The following CSMD3 variants were observed in gnomAD, a reference collection of about 807,000 sequenced individuals.
CSMD3 encodes the protein CUB and Sushi multiple domains 3, also known as CUB and sushi domain-containing protein 3.
CSMD3 carries 177 observed loss-of-function variants against 435.2 expected under a neutral mutation model. The observed-to-expected ratio is 0.41, with a 90% confidence interval of 0.36 to 0.46. The LOEUF is 0.46. Among genes scored for constraint, CSMD3 ranks in the 20% least tolerant of loss-of-function variants. The pLI, the probability that CSMD3 is intolerant of heterozygous loss-of-function variation, is 0.34. For synonymous variants in CSMD3, 1,656 were observed against 1,520.5 expected (o/e 1.09, Z -2.07); for missense variants, 4,265 against 4,504.6 (o/e 0.95, Z 1.52).
At chr8:112,852,871 G>A (rs763249262) in intron 11 of CSMD3, among the ~76,000 whole-genome samples, 33 of 152,142 alleles carry the variant, frequency 2.2e-4, no homozygotes, top group Middle Eastern at 3.4e-3. Flanking sequence ...GTAGTAAGCC[G>A]AGATCGTGCC....
rs1825632514 is a variant in CSMD3 at position 112,345,971 on chromosome 8, G to A, written c.6442+126C>T. ...ATTTCACTCTTCAATTTACATAGTT[G>A]TATGTATTCCTAAACTAAACTGCAA... On this transcript the variant is annotated intron_variant, in intron 41 of 70. Transcript: ENST00000297405. The A allele has an allele frequency of 1.4e-5, 10 of 734,212 alleles. No individual in the cohort carries two copies. In the South Asian group the frequency reaches 1.5e-4, roughly 11 times the overall value. The allele number at this position is 734,212 out of a possible 1,614,324, so 45.5% of individuals were successfully genotyped here. A position where few individuals can be genotyped will look rare whatever the true frequency, so the allele number is the denominator to read the frequency against.
chr8:113,013,766 A>G (rs1969112), intron 6 of CSMD3, among the ~76,000 whole-genome samples: 91,792 of 151,894 alleles, frequency 0.6, 29,350 homozygotes, highest in East Asian at 0.95. Flanking sequence ...TTGTTTATGT[A>G]GTGGATTGAT....
intron 16 of CSMD3, among the ~76,000 whole-genome samples, chr8:112,675,392 A>G (rs986953956): frequency 2.0e-5 from 3 of 152,134 alleles, no homozygotes; most frequent in African/African-American, 4.8e-5. Flanking sequence ...AGACCCATGA[A>G]TGTATTACAT....
chr8:112,504,020 G>A, intron 29 of CSMD3, 43 bp from the exon 30 acceptor site: 1 of 1,270,448 alleles, frequency 7.9e-7, no homozygotes, highest in African/African-American at 1.5e-5. Flanking sequence ...AAGAGAAGTA[G>A]GATAATTATT....
chr8:112,688,243 T>C (rs1175645577), intron 14 of CSMD3, among the ~76,000 whole-genome samples: 1 of 152,184 alleles, frequency 6.6e-6, no homozygotes, highest in Non-Finnish European at 1.5e-5. Flanking sequence ...AAAGACACAC[T>C]TTAATGGCCC....
intron 30 of CSMD3, among the ~76,000 whole-genome samples, chr8:112,494,540 T>G (rs1404419963): frequency 6.9e-6 from 1 of 144,882 alleles, no homozygotes; most frequent in East Asian, 2.0e-4. Flanking sequence ...TCTTTCTTTC[T>G]TTCTTTCTTT....
At chr8:112,959,932 T>A (rs1458435979) in intron 7 of CSMD3, among the ~76,000 whole-genome samples, 1 of 151,850 alleles carries the variant, frequency 6.6e-6, no homozygotes, top group African/African-American at 2.4e-5. Flanking sequence ...ATGTTCTGAG[T>A]CTATAAGACA....
chr8:112,883,975 T>C (rs1364879914), intron 10 of CSMD3, among the ~76,000 whole-genome samples: 2 of 151,900 alleles, frequency 1.3e-5, no homozygotes, highest in Non-Finnish European at 2.9e-5. Flanking sequence ...TCTAAGGTAA[T>C]AGTATGCCAC....
chr8:112,534,637 T>A (rs1825877233), intron 27 of CSMD3, among the ~76,000 whole-genome samples: 1 of 151,982 alleles, frequency 6.6e-6, no homozygotes, highest in Admixed American at 6.6e-5. Context: ...CTGAAACTAT[T>A]CCAATCAATA....
chr8:113,179,910 G>C (rs1267797840), intron 3 of CSMD3, among the ~76,000 whole-genome samples: 1 of 151,778 alleles, frequency 6.6e-6, no homozygotes, highest in East Asian at 1.9e-4. Context: ...CACATGTATA[G>C]TTGCGAAAGG....
chr8:113,191,187 T>C (rs762373779), intron 3 of CSMD3, among the ~76,000 whole-genome samples: 7 of 151,854 alleles, frequency 4.6e-5, no homozygotes, highest in Non-Finnish European at 1.0e-4. Context: ...CACGTGGGCA[T>C]ACATGTTCAT....
chr8:113,280,475 C>T (rs561296469), intron 2 of CSMD3, among the ~76,000 whole-genome samples: 10 of 151,786 alleles, frequency 6.6e-5, no homozygotes, highest in East Asian at 1.9e-4. Flanking sequence ...TAGCCTTGAA[C>T]GATCTTTTGC....
chr8:112,392,844 A>C (rs1830541226), intron 35 of CSMD3, among the ~76,000 whole-genome samples: 1 of 150,142 alleles, frequency 6.7e-6, no homozygotes, highest in South Asian at 2.1e-4. Flanking sequence ...TTCACAGCTC[A>C]CAGATAGTTT....
chr8:112,885,908 G>C (rs2081576062), intron 10 of CSMD3, among the ~76,000 whole-genome samples: 3 of 151,492 alleles, frequency 2.0e-5, no homozygotes, highest in Non-Finnish European at 4.4e-5. Flanking sequence ...AGTTACCCCA[G>C]GAAATAAAGG....
chr8:112,492,372 G>C (rs1390772652), intron 31 of CSMD3, 117 bp downstream of exon 31: 2 of 813,846 alleles, frequency 2.5e-6, no homozygotes, highest in East Asian at 5.2e-5. Context: ...TGCATTGCTA[G>C]TACGACACTT....
At chr8:113,356,515 C>A (rs1384109499) in intron 1 of CSMD3, among the ~76,000 whole-genome samples, 1 of 152,108 alleles carries the variant, frequency 6.6e-6, no homozygotes, top group Non-Finnish European at 1.5e-5. Context: ...CATTTTCACA[C>A]TCCTTTTCCA....
At chr8:112,823,550 C>T (rs925470890) in intron 12 of CSMD3, among the ~76,000 whole-genome samples, 2 of 152,088 alleles carry the variant, frequency 1.3e-5, no homozygotes, top group Non-Finnish European at 2.9e-5. Context: ...TACAGAACTT[C>T]TTCATTTCTT....
Position 112,828,794 on chromosome 8 carries a change from C to T in CSMD3, c.1859+892G>A, listed in dbSNP as rs150490001. ...AAATCATGTTGATCAATGATATCCA[C>T]GTTGCAGACAGGGGAAAGAGGTTGA... On this transcript the variant is annotated intron_variant, in intron 12 of 70. Coordinates refer to ENST00000297405, the MANE Select transcript of CSMD3 (RefSeq NM_198123.2). Among the ~76,000 whole-genome samples, 27 of 152,188 alleles carry T rather than the reference C, an allele frequency of 1.8e-4. No homozygotes were observed. The East Asian group carries it at 4.4e-3, about 25-fold the overall frequency.
intron 12 of CSMD3, among the ~76,000 whole-genome samples, chr8:112,827,665 A>G (rs569770206): frequency 3.9e-4 from 60 of 152,344 alleles, no homozygotes; most frequent in African/African-American, 1.3e-3. Context: ...TATGAGTGTC[A>G]GGTAAAGAAA....
Sources: gnomAD v4.1 joint callset for allele counts (sites outside exome capture counted in the v4.1 genomes callset) on GRCh38, gnomAD v4.1.1 for gene constraint, MANE v1.5 for transcripts, NCBI Gene and HGNC (gene_info 2026-07-23, HGNC 2026-07-21) for gene names.